Variants in ERAP2 observed in about 807,000 individuals in gnomAD.
The protein encoded by ERAP2 is leukocyte-derived arginine aminopeptidase.
In ERAP2, 118 loss-of-function variants were observed where a neutral mutation model predicts 111.1. The ratio of observed to expected loss-of-function variants is 1.06; its 90% CI spans 0.92 to 1.24. The LOEUF is 1.24. ERAP2 is among the 50% of genes most tolerant of loss of function. The probability of loss-of-function intolerance (pLI) is 0.00; values close to 1 mark genes in which losing one functional copy is unlikely to be tolerated. For synonymous variants in ERAP2, 410 were observed against 401.2 expected (o/e 1.02, Z -0.26); for missense variants, 1,131 against 1,125.8 (o/e 1.00, Z -0.07).
At chr5:96,885,344 T>C (rs1309670927) in intron 3 of ERAP2, among the ~76,000 whole-genome samples, 1 of 152,170 alleles carries the variant, frequency 6.6e-6, no homozygotes, top group Admixed American at 6.5e-5. Context: ...AGAACACTGG[T>C]TGAATCAGCT....
At chr5:96,916,444 A>G (rs13171667) in intron 18 of ERAP2, among the ~76,000 whole-genome samples, 1 of 147,714 alleles carries the variant, frequency 6.8e-6, no homozygotes, top group Non-Finnish European at 1.5e-5. Flanking sequence ...TATTGTTGGT[A>G]ATTCTAGTTA....
chr5:96,877,423 C>T (rs1256417300), intron 1 of ERAP2, among the ~76,000 whole-genome samples: 2 of 151,850 alleles, frequency 1.3e-5, no homozygotes, highest in Non-Finnish European at 2.9e-5. Context: ...CAAGTGGGGG[C>T]GAGCTACTCC....
At chr5:96,887,100 T>TATATATATACAC (rs1478213165) in intron 4 of ERAP2, among the ~76,000 whole-genome samples, 1 of 137,456 alleles carries the variant, frequency 7.3e-6, no homozygotes, top group Non-Finnish European at 1.6e-5. Context: ...TATATATATA[T>TATATATATACAC]ACACACACAC....
chr5:96,914,190 T>C (rs1354386898), intron 17 of ERAP2, among the ~76,000 whole-genome samples: 1 of 144,778 alleles, frequency 6.9e-6, no homozygotes, highest in Non-Finnish European at 1.5e-5. Flanking sequence ...CTATAAGGCA[T>C]TCAGCCATTC....
chr5:96,912,188 C>CA (rs1266993157), intron 15 of ERAP2, among the ~76,000 whole-genome samples: 3,638 of 83,824 alleles, frequency 0.043, 111 homozygotes, highest in Non-Finnish European at 0.058. Flanking sequence ...GACTCCACCT[C>CA]AAAAAAAAAA....
chr5:96,899,227 T>C (rs887970353), intron 9 of ERAP2, among the ~76,000 whole-genome samples: 4 of 96,436 alleles, frequency 4.1e-5, no homozygotes, highest in Non-Finnish European at 8.5e-5. Flanking sequence ...TACTTAAAAT[T>C]TGTCTTCTAA....
At chr5:96,914,153 C>CACACACACACACACAA (rs1389960119) in intron 17 of ERAP2, among the ~76,000 whole-genome samples, 1 of 151,072 alleles carries the variant, frequency 6.6e-6, no homozygotes, top group East Asian at 1.9e-4. Flanking sequence ...CTCTCTCACA[C>CACACACACACACACAA]ACACACACAC....
chr5:96,890,359 A>G (rs1784209782), intron 5 of ERAP2, among the ~76,000 whole-genome samples: 1 of 152,196 alleles, frequency 6.6e-6, no homozygotes, highest in Non-Finnish European at 1.5e-5. Context: ...TCATGCTCCT[A>G]TGAGAATCTA....
intron 13 of ERAP2, among the ~76,000 whole-genome samples, chr5:96,907,644 G>A (rs1390495479): frequency 6.6e-6 from 1 of 151,952 alleles, no homozygotes; most frequent in Non-Finnish European, 1.5e-5. Flanking sequence ...CATTTTGGGA[G>A]GCCGAGGCGG....
chr5:96,889,492 C>A, intron 5 of ERAP2, 187 bp downstream of exon 5: 1 of 717,834 alleles, frequency 1.4e-6, no homozygotes, highest in South Asian at 1.6e-5. Flanking sequence ...CATGCCCCAA[C>A]AGTGTGGATC....
chr5:96,883,469 T>G (rs78559673), intron 2 of ERAP2, among the ~76,000 whole-genome samples: 3,977 of 152,314 alleles, frequency 0.026, 85 homozygotes, highest in Middle Eastern at 0.095. Context: ...AGACAACATG[T>G]GTACTATTTC....
intron 9 of ERAP2, among the ~76,000 whole-genome samples, chr5:96,898,579 A>AAAC (rs1785111433): frequency 6.7e-6 from 1 of 149,814 alleles, no homozygotes; most frequent in Admixed American, 6.6e-5. Flanking sequence ...ATACAAAAAA[A>AAAC]AAAAAAAAAA....
In ERAP2 at chr5:96,914,747, G is replaced by A. The variant is rs147303097; in HGVS notation, c.2658-941G>A. ...GGGTTGAAGGATGCATTCTGTGGCC[G>A]TGAATGAGAGTTCAACCAAGTAACA... On this transcript the variant is annotated intron_variant, in intron 17 of 18. Coordinates refer to ENST00000437043, the MANE Select transcript of ERAP2 (RefSeq NM_022350.5). 1.9e-3 allele frequency among the ~76,000 whole-genome samples: 289 copies of A among 152,214 alleles called. 2 individuals are homozygous for A. The highest frequency in any genetic ancestry group is 6.7e-3 in the African/African-American group (279 of 41,536).
chr5:96,896,422 T>C lies in ERAP2; in HGVS notation c.1289T>C (p.Leu430Ser). ...VCFEVITKDS[L>S]NSSRPISKPA... ...TTTGAAGTAATTACAAAAGATTCAT[T>C]GAATTCATCCCGCCCTATCTCCAAA... Residue 430 changes from leucine to serine, a missense_variant, in exon 8 of 19, where the codon TTG (leucine) becomes TCG (serine). By Grantham distance (145) the Leu-to-Ser change is moderately radical. This residue lies in a region of ERAP2 where 847 missense variants were observed against 856.5 expected (regional missense o/e 0.99). Transcript: ENST00000437043. The C allele has an allele frequency of 6.2e-7, 1 of 1,612,886 alleles. No individual in the cohort carries two copies. Among genetic ancestry groups the C allele is most frequent in the Non-Finnish European group, 8.5e-7 (1 of 1,179,084 alleles).
chr5:96,909,238 T>TG, intron 14 of ERAP2, 121 bp downstream of exon 14: 1 of 877,062 alleles, frequency 1.1e-6, no homozygotes, highest in Non-Finnish European at 1.8e-6. Context: ...GGGGACTGAC[T>TG]GATAGCATGT....
intron 10 of ERAP2, 123 bp downstream of exon 10, chr5:96,900,312 G>A (rs945368358): frequency 7.2e-6 from 10 of 1,395,912 alleles, no homozygotes; most frequent in East Asian, 2.4e-5. Flanking sequence ...GAGCCCCCAC[G>A]ATTTTCTCTA....
Position 96,879,725 on chromosome 5 carries a change from C to T in ERAP2, c.40C>T (p.Pro14Ser), listed in dbSNP as rs762173280. Residue 14 changes from proline to serine, a missense_variant, in exon 2 of 19, where the codon CCA becomes TCA. Around this residue, in one of 3 missense-constraint regions of ERAP2, gnomAD observed 847 missense variants for 856.5 expected, o/e 0.99. Transcript: ENST00000437043. ...TGCAATGGTTAATTCACACAGAAAACCAATGTTTAACATTCACAGAGGATT... is the reference window on the plus strand; with the variant it reads ...TGCAATGGTTAATTCACACAGAAAATCAATGTTTAACATTCACAGAGGATT... ...SSAMVNSHRKPMFNIHRGFYC... is the reference protein window; with the variant it reads ...SSAMVNSHRKSMFNIHRGFYC... 1 of 1,614,160 alleles carries T rather than the reference C, an allele frequency of 6.2e-7. No individual in the cohort carries two copies.
rs753817281 is a variant in ERAP2, at chr5:96,917,528, G to T, written c.2806G>T (p.Glu936Ter). 3 of 1,613,910 alleles carry T rather than the reference G, an allele frequency of 1.9e-6. No individual in the cohort carries two copies. The highest frequency in any genetic ancestry group is 2.5e-6 in the Non-Finnish European group (3 of 1,179,894). ...TCTGGATATTTTTCAAACTGTTCTG[G>T]AAACGATAACCAAAAATATAAAATG... The part of the protein sequence containing the change: ...SHLDIFQTVL[E>*]TITKNIKWLE... The change falls in exon 19 of 19, where the codon GAA becomes TAA. Residue 936 changes from glutamate (E) to a stop codon, truncating the protein, a stop_gained. Transcript: ENST00000437043. LOFTEE classifies it high-confidence loss of function.
rs533717959 is a variant in ERAP2, at chr5:96,908,948, T to G, written c.2013-13T>G. ...GATATGCACAAACCACTGACATTTG[T>G]TTTATACTTCAGTGCAGGGAGACTG... On this transcript the variant is annotated splice_polypyrimidine_tract_variant and intron_variant, in intron 13 of 18. Coordinates refer to ENST00000437043, the MANE Select transcript of ERAP2 (RefSeq NM_022350.5). The G allele has an allele frequency of 6.2e-7, 1 of 1,609,372 alleles. No homozygotes were observed. Among genetic ancestry groups the G allele is most frequent in the Non-Finnish European group, 8.5e-7 (1 of 1,178,258 alleles).
Sources: gnomAD v4.1 joint callset for allele counts (sites outside exome capture counted in the v4.1 genomes callset) on GRCh38, gnomAD v4.1.1 for gene constraint, gnomAD v4.1.1 regional missense constraint, MANE v1.5 for transcripts, NCBI Gene and HGNC (gene_info 2026-07-23, HGNC 2026-07-21) for gene names.